The following PLB1 variants were observed in gnomAD, a reference collection of about 807,000 sequenced individuals.
PLB1 encodes phospholipase B1.
PLB1 carries 242 observed loss-of-function variants against 227.4 expected under a neutral mutation model. The observed-to-expected ratio is 1.06, with a 90% confidence interval of 0.96 to 1.18. The LOEUF (loss-of-function observed/expected upper bound fraction) is 1.18. PLB1 is among the 50% of genes most tolerant of loss of function. The pLI is 0.00. For synonymous variants in PLB1, 757 were observed against 682.2 expected, an observed-to-expected ratio of 1.11 and a Z score of -1.71; for missense variants, 1,858 against 1,816.3, an observed-to-expected ratio of 1.02 and a Z score of -0.42.
intron 4 of PLB1, among the ~76,000 whole-genome samples, chr2:28,520,528 C>T (rs1345175341): frequency 1.3e-5 from 2 of 152,158 alleles, no homozygotes; most frequent in Non-Finnish European, 2.9e-5. Context: ...AATATATTCA[C>T]GTTATTGTGC....
chr2:28,606,432 G>A (rs1684690046), intron 42 of PLB1, 64 bp from the exon 43 acceptor site: 2 of 1,487,122 alleles, frequency 1.3e-6, no homozygotes, highest in Admixed American at 1.7e-5. Flanking sequence ...GATTCTGCCA[G>A]GGAATGTTCA....
intron 1 of PLB1, among the ~76,000 whole-genome samples, chr2:28,507,101 T>C (rs1481770624): frequency 6.6e-6 from 1 of 152,174 alleles, no homozygotes; most frequent in African/African-American, 2.4e-5. Flanking sequence ...GAGGTGAAGC[T>C]AGAGCTGCTG....
At chr2:28,573,343 C>T in intron 21 of PLB1, 38 bp downstream of exon 21, 1 of 1,481,632 alleles carries the variant, frequency 6.7e-7, no homozygotes, top group South Asian at 1.1e-5. Flanking sequence ...CAGCACAGGT[C>T]CTCTGAGGAC....
At chr2:28,579,980 C>G (rs1265584274) in intron 23 of PLB1, among the ~76,000 whole-genome samples, 1 of 152,224 alleles carries the variant, frequency 6.6e-6, no homozygotes, top group African/African-American at 2.4e-5. Flanking sequence ...AGATAACACC[C>G]AATGACTAGA....
chr2:28,592,238 T>G (rs552066294), intron 31 of PLB1, among the ~76,000 whole-genome samples: 2 of 152,312 alleles, frequency 1.3e-5, no homozygotes, highest in South Asian at 4.1e-4. Flanking sequence ...TTAAACGGGC[T>G]GCACGTCAGG....
At chr2:28,588,765 T>A (rs1681346054) in intron 26 of PLB1, among the ~76,000 whole-genome samples, 1 of 152,224 alleles carries the variant, frequency 6.6e-6, no homozygotes, top group Non-Finnish European at 1.5e-5. Context: ...TTGATTCACC[T>A]TTGATTTTTC....
intron 20 of PLB1, among the ~76,000 whole-genome samples, 199 bp downstream of exon 20, chr2:28,567,038 C>T (rs1262140674): frequency 9.9e-6 from 1 of 101,452 alleles, no homozygotes; most frequent in African/African-American, 3.9e-5. Flanking sequence ...GGGGGTGGAA[C>T]GAGGTTCGGG....
chr2:28,596,528 T>C (rs557388184), intron 33 of PLB1, among the ~76,000 whole-genome samples: 60 of 152,334 alleles, frequency 3.9e-4, no homozygotes, highest in African/African-American at 1.4e-3. Flanking sequence ...ATATCTTTAT[T>C]GAAGGAGAAA....
chr2:28,623,380 C>T (rs1204044177), intron 49 of PLB1, among the ~76,000 whole-genome samples: 1 of 152,186 alleles, frequency 6.6e-6, no homozygotes, highest in African/African-American at 2.4e-5. Context: ...GAAGAAGCGG[C>T]ATTTGTAACT....
At chr2:28,571,030 TAAAG>T (rs941738236) in intron 20 of PLB1, among the ~76,000 whole-genome samples, 24 of 152,182 alleles carry the variant, frequency 1.6e-4, no homozygotes, top group African/African-American at 5.8e-4. Flanking sequence ...AGATTGGAAA[TAAAG>T]AAATAAAACC....
intron 1 of PLB1, among the ~76,000 whole-genome samples, chr2:28,509,591 C>A (rs1438298124): frequency 6.6e-6 from 1 of 152,202 alleles, no homozygotes; most frequent in African/African-American, 2.4e-5. Flanking sequence ...GATGACTGAT[C>A]TCGGCCAAAC....
At chr2:28,503,479 C>G (rs1667322001) in intron 1 of PLB1, among the ~76,000 whole-genome samples, 1 of 152,146 alleles carries the variant, frequency 6.6e-6, no homozygotes, top group African/African-American at 2.4e-5. Context: ...TCACCGTTCT[C>G]TATTGAGGCA....
At chr2:28,506,947 C>A (rs1291283717) in intron 1 of PLB1, among the ~76,000 whole-genome samples, 1 of 152,176 alleles carries the variant, frequency 6.6e-6, no homozygotes, top group African/African-American at 2.4e-5. Flanking sequence ...ACCACAACTT[C>A]CCAGTTGTCT....
At chr2:28,570,902 G>T (rs1486189538) in intron 20 of PLB1, among the ~76,000 whole-genome samples, 3 of 152,188 alleles carry the variant, frequency 2.0e-5, no homozygotes, top group Non-Finnish European at 4.4e-5. Context: ...GTGACAGATG[G>T]AATGCTGCCC....
intron 56 of PLB1, among the ~76,000 whole-genome samples, chr2:28,636,518 T>A (rs1689380847): frequency 6.6e-6 from 1 of 152,148 alleles, no homozygotes; most frequent in Non-Finnish European, 1.5e-5. Flanking sequence ...TACCAAAAGA[T>A]ACACACAAAA....
rs1686882465 is a variant in PLB1, at chr2:28,620,506, C to T, written c.3384-94C>T. On this transcript the variant is annotated intron_variant, in intron 47 of 57. Coordinates refer to ENST00000327757, the MANE Select transcript of PLB1 (RefSeq NM_153021.5). ...GGTGATGGGAGAGACGCCCCAGGGG[C>T]CCAGAACCCGGTTCCGGTTCTGGCT... is the stretch of plus-strand genomic sequence containing the variant. 3.4e-5 allele frequency: 50 copies of T among 1,470,848 alleles called. 1 individual carries two copies. Among genetic ancestry groups the T allele is most frequent in the Middle Eastern group, 2.1e-4 (1 of 4,856 alleles). The allele number at this position is 1,470,848 out of a possible 1,614,324, so 91.1% of individuals were successfully genotyped here.
intron 49 of PLB1, among the ~76,000 whole-genome samples, chr2:28,623,065 G>C (rs1381123076): frequency 6.6e-6 from 1 of 152,164 alleles, no homozygotes; most frequent in Admixed American, 6.5e-5. Context: ...ACAATTAAGA[G>C]AACAGAAGAG....
chr2:28,582,176 C>T (rs1167785575), intron 24 of PLB1, 43 bp downstream of exon 24: 11 of 1,586,468 alleles, frequency 6.9e-6, no homozygotes, highest in African/African-American at 2.7e-5. Context: ...AGACCTCAGA[C>T]CTAGCCTAGA....
At chr2:28,578,054 G>T (rs1284579850) in intron 21 of PLB1, 53 bp from the exon 22 acceptor site, 1 of 1,561,168 alleles carries the variant, frequency 6.4e-7, no homozygotes, top group African/African-American at 1.4e-5. Flanking sequence ...CTCTGCTAAG[G>T]GCCCCTGCCA....
Sources: gnomAD v4.1 joint callset for allele counts (sites outside exome capture counted in the v4.1 genomes callset) on GRCh38, gnomAD v4.1.1 for gene constraint, MANE v1.5 for transcripts, NCBI Gene and HGNC (gene_info 2026-07-23, HGNC 2026-07-21) for gene names.